Variants in UHRF2 observed in about 807,000 individuals in gnomAD.
UHRF2 encodes E3 ubiquitin-protein ligase UHRF2.
UHRF2 carries 23 observed loss-of-function variants against 96.8 expected under a neutral mutation model. The observed-to-expected ratio is 0.24, with a 90% CI of 0.17 to 0.34. UHRF2 has a LOEUF of 0.34. Among genes scored for constraint, UHRF2 ranks in the 10% least tolerant of loss-of-function variants. The pLI, the probability that UHRF2 is intolerant of heterozygous loss-of-function variation, is 1.00. For missense variants in UHRF2, 685 were observed against 981.5 expected, an observed-to-expected ratio of 0.70 and a Z score of 4.04; for synonymous variants, 385 against 332.6, an observed-to-expected ratio of 1.16 and a Z score of -1.72.
At chr9:6,464,013 A>C (rs1702969198) in intron 4 of UHRF2, among the ~76,000 whole-genome samples, 1 of 152,168 alleles carries the variant, frequency 6.6e-6, no homozygotes, top group African/African-American at 2.4e-5. Flanking sequence ...GTGCATCTTC[A>C]ACTTGAGTAG....
chr9:6,422,508 C>G (rs1464787166), intron 2 of UHRF2: 2 of 425,954 alleles, frequency 4.7e-6, no homozygotes, highest in Non-Finnish European at 8.6e-6. Flanking sequence ...TGATGGGATT[C>G]TATGGAGATT....
At chr9:6,472,262 A>G (rs1262089095) in intron 4 of UHRF2, among the ~76,000 whole-genome samples, 1 of 152,206 alleles carries the variant, frequency 6.6e-6, no homozygotes, top group African/African-American at 2.4e-5. Flanking sequence ...CAAAAAGTGA[A>G]GTTAGACCCT....
intron 15 of UHRF2, among the ~76,000 whole-genome samples, chr9:6,505,671 G>C (rs1044734239): frequency 1.3e-5 from 2 of 152,328 alleles, no homozygotes; most frequent in Non-Finnish European, 1.5e-5. Context: ...TTCTAAGCAA[G>C]GGAATCCAGA....
intron 3 of UHRF2, among the ~76,000 whole-genome samples, chr9:6,457,982 T>A (rs1485096037): frequency 1.3e-5 from 2 of 152,190 alleles, no homozygotes; most frequent in African/African-American, 4.8e-5. Context: ...TTTTGTTGTG[T>A]CTCTGCCAGG....
intron 4 of UHRF2, 148 bp downstream of exon 4, chr9:6,460,939 T>A (rs1241177122): frequency 3.1e-6 from 2 of 646,574 alleles, no homozygotes; most frequent in Non-Finnish European, 4.9e-6. Flanking sequence ...TTTTATAAAT[T>A]CTTAAGAATT....
chr9:6,457,797 T>C (rs181423381), intron 3 of UHRF2, among the ~76,000 whole-genome samples: 43 of 152,334 alleles, frequency 2.8e-4, no homozygotes, highest in Admixed American at 2.7e-3. Flanking sequence ...GTTTATGTGA[T>C]GGATTATGTT....
chr9:6,482,529 C>A (rs182270804), intron 8 of UHRF2, among the ~76,000 whole-genome samples: 1 of 151,812 alleles, frequency 6.6e-6, no homozygotes, highest in Admixed American at 6.6e-5. Context: ...GCCAGCTAAT[C>A]CAAGAATAAA....
intron 15 of UHRF2, among the ~76,000 whole-genome samples, chr9:6,505,422 A>C (rs1816532386): frequency 6.6e-6 from 1 of 152,044 alleles, no homozygotes; most frequent in Non-Finnish European, 1.5e-5. Context: ...CAGCCTGTGG[A>C]GTAGCTGGGA....
chr9:6,414,991 T>C (rs969055061), intron 1 of UHRF2, among the ~76,000 whole-genome samples: 1 of 152,220 alleles, frequency 6.6e-6, no homozygotes, highest in African/African-American at 2.4e-5. Flanking sequence ...TTGCTGTGCC[T>C]CAAGTGGCTG....
At chr9:6,426,909 C>T (rs1016746082) in intron 2 of UHRF2, among the ~76,000 whole-genome samples, 2 of 152,010 alleles carry the variant, frequency 1.3e-5, no homozygotes, top group Admixed American at 6.6e-5. Flanking sequence ...CCACCATGCC[C>T]AGCTAATTTT....
chr9:6,420,435 T>TA (rs1819862565), intron 1 of UHRF2, among the ~76,000 whole-genome samples: 1 of 150,764 alleles, frequency 6.6e-6, no homozygotes, highest in South Asian at 2.1e-4. Context: ...CCGGGTGCGG[T>TA]GCTCACGCTG....
At chr9:6,464,948 CTTTACTAGA>C (rs1822770639) in intron 4 of UHRF2, among the ~76,000 whole-genome samples, 1 of 152,086 alleles carries the variant, frequency 6.6e-6, no homozygotes, top group South Asian at 2.1e-4. Context: ...GACTCAGTAG[CTTTACTAGA>C]TTTACTAATT....
At chr9:6,430,644 C>T (rs1820513234) in intron 2 of UHRF2, among the ~76,000 whole-genome samples, 1 of 152,104 alleles carries the variant, frequency 6.6e-6, no homozygotes, top group Non-Finnish European at 1.5e-5. Flanking sequence ...AATATTCCGC[C>T]CTGATCACCC....
intron 2 of UHRF2, among the ~76,000 whole-genome samples, chr9:6,430,279 G>A (rs1820495059): frequency 6.6e-6 from 1 of 152,164 alleles, no homozygotes; most frequent in Non-Finnish European, 1.5e-5. Flanking sequence ...TAAACTGCTG[G>A]GATTACAGGC....
At chr9:6,436,746 T>A (rs1044646496) in intron 3 of UHRF2, among the ~76,000 whole-genome samples, 1 of 152,206 alleles carries the variant, frequency 6.6e-6, no homozygotes, top group Admixed American at 6.5e-5. Flanking sequence ...CAAAACACAG[T>A]ACCTTAGCAT....
chr9:6,413,742 G>A, intron 1 of UHRF2, 99 bp downstream of exon 1: 4 of 1,296,250 alleles, frequency 3.1e-6, no homozygotes, highest in Non-Finnish European at 3.9e-6. Context: ...CGCGCGCGCA[G>A]GGCTCACCTG....
chr9:6,489,515 AT>A (rs895746088), intron 9 of UHRF2, among the ~76,000 whole-genome samples: 5 of 152,188 alleles, frequency 3.3e-5, no homozygotes, highest in African/African-American at 1.2e-4. Flanking sequence ...AGTGACTACC[AT>A]TTTATGTTCC....
chr9:6,478,431 A>G (rs146912578), intron 6 of UHRF2, among the ~76,000 whole-genome samples: 2 of 152,338 alleles, frequency 1.3e-5, no homozygotes, highest in Non-Finnish European at 2.9e-5. Context: ...TTTACTAAAC[A>G]CTAACAAAGT....
chr9:6,418,945 C>T (rs907134631), intron 1 of UHRF2, among the ~76,000 whole-genome samples: 10 of 152,136 alleles, frequency 6.6e-5, no homozygotes, highest in African/African-American at 2.2e-4. Flanking sequence ...TCTTTCTTGG[C>T]TTATATTAGG....
Sources: allele counts gnomAD v4.1 joint callset (sites outside exome capture counted in the v4.1 genomes callset), GRCh38; gene constraint gnomAD v4.1.1; transcripts MANE v1.5; gene names NCBI Gene and HGNC (gene_info 2026-07-23, HGNC 2026-07-21).